CSTF2: variants seen among roughly 807,000 people sequenced by gnomAD.
CSTF2 encodes the protein CF-1 64 kDa subunit.
In CSTF2, 8 loss-of-function variants were observed where a neutral mutation model predicts 45.4. The observed-to-expected ratio is 0.18, with a 90% CI of 0.10 to 0.32. The LOEUF is 0.32. CSTF2 is among the 10% of genes least tolerant of loss of function. The probability of loss-of-function intolerance (pLI) is 1.00; values close to 1 mark genes in which losing one functional copy is unlikely to be tolerated. For missense variants in CSTF2, 253 were observed against 477.1 expected (o/e 0.53, Z 4.38); for synonymous variants, 155 against 158.9 (o/e 0.98, Z 0.18).
intron 2 of CSTF2, 145 bp from the exon 3 acceptor site, chrX:100,822,106 A>G (rs2084921671): frequency 2.2e-6 from 1 of 463,203 alleles, no homozygotes; most frequent in Admixed American, 4.6e-5. Context: ...AAAAAAAAAA[A>G]AAAAGTTTTA....
At chrX:100,826,530 T>C in intron 6 of CSTF2, 104 bp from the exon 7 acceptor site, 1 of 733,235 alleles carries the variant, frequency 1.4e-6, no homozygotes, top group East Asian at 3.3e-5. Flanking sequence ...TGTTTAGTAG[T>C]GTATTTGGGG....
At chrX:100,825,387 A>ATTTTC (rs1225897665) in intron 6 of CSTF2, among the ~76,000 whole-genome samples, 2 of 112,073 alleles carry the variant, frequency 1.8e-5, no homozygotes, top group African/African-American at 6.5e-5. Flanking sequence ...AATGGGAAAT[A>ATTTTC]GACATAAATA....
At chrX:100,839,157 G>A (rs998353935) in intron 13 of CSTF2, among the ~76,000 whole-genome samples, 4 of 108,075 alleles carry the variant, frequency 3.7e-5, no homozygotes, top group African/African-American at 1.4e-4. Context: ...GCCGAGGTGG[G>A]AGGACTGGTT....
At chrX:100,820,745 A>T in intron 1 of CSTF2, 1 of 470,703 alleles carries the variant, frequency 2.1e-6, no homozygotes, top group Non-Finnish European at 4.0e-6. Flanking sequence ...TCTCTAGAGG[A>T]GAAGGCTCAC....
intron 6 of CSTF2, among the ~76,000 whole-genome samples, chrX:100,825,651 T>C (rs1451512647): frequency 9.0e-6 from 1 of 111,634 alleles, no homozygotes; most frequent in Non-Finnish European, 1.9e-5. Context: ...TCTGCCATGG[T>C]AGTATGAAAT....
At chrX:100,839,590 G>A (rs769931167) in intron 13 of CSTF2, among the ~76,000 whole-genome samples, 24 of 111,145 alleles carry the variant, frequency 2.2e-4, no homozygotes, top group Admixed American at 9.6e-5. Context: ...TTTAAACTGC[G>A]ACTATGCATC....
Position 100,826,718 on chromosome X carries a change from GCTGTCACAGGAC to G in CSTF2, c.791_802del (p.Val264_Pro267del), listed in dbSNP as rs758057299. The G allele has an allele frequency of 4.1e-6, 5 of 1,210,355 alleles. No homozygotes were observed. Among genetic ancestry groups the G allele is most frequent in the Non-Finnish European group, 5.6e-6 (5 of 894,625 alleles). Reference sequence around the variant, plus strand: ...TCCAGCACCAGGGCAAATGCCAGCTGCTGTCACAGGACCTGGCCCTGGTTCCTTAGCTCCTGG... The same window carrying G: ...TCCAGCACCAGGGCAAATGCCAGCTGCTGGCCCTGGTTCCTTAGCTCCTGG... On this transcript the variant is annotated inframe_deletion, in exon 7 of 14. Coordinates refer to ENST00000372972, the MANE Select transcript of CSTF2 (RefSeq NM_001325.3).
intron 2 of CSTF2, among the ~76,000 whole-genome samples, chrX:100,822,030 T>TA (rs1398937056): frequency 9.5e-6 from 1 of 104,830 alleles, no homozygotes; most frequent in Admixed American, 1.0e-4. Context: ...GAGGCAGAGA[T>TA]AGCAGTGAGC....
chrX:100,824,924 A>G (rs2084936589), intron 6 of CSTF2, among the ~76,000 whole-genome samples: 1 of 112,444 alleles, frequency 8.9e-6, no homozygotes, highest in Non-Finnish European at 1.9e-5. Context: ...AATAAACTAC[A>G]CGTATCAACA....
At chrX:100,835,082 C>A (rs754083156) in intron 11 of CSTF2, among the ~76,000 whole-genome samples, 1 of 110,153 alleles carries the variant, frequency 9.1e-6, no homozygotes, top group East Asian at 2.8e-4. Flanking sequence ...TATATATATT[C>A]GTTCATCTAT....
At chrX:100,838,473 TC>T in intron 13 of CSTF2, 109 bp downstream of exon 13, 1 of 703,149 alleles carries the variant, frequency 1.4e-6, no homozygotes, top group Non-Finnish European at 2.0e-6. Context: ...CTCAATCCAC[TC>T]AGCTAGACTC....
intron 11 of CSTF2, among the ~76,000 whole-genome samples, chrX:100,833,676 C>T (rs2084990615): frequency 9.0e-6 from 1 of 111,619 alleles, no homozygotes; most frequent in South Asian, 3.8e-4. Flanking sequence ...AAAAAACAAC[C>T]TTATCCCACA....
intron 12 of CSTF2, among the ~76,000 whole-genome samples, chrX:100,838,015 T>C (rs2085019005): frequency 8.9e-6 from 1 of 112,027 alleles, no homozygotes; most frequent in South Asian, 3.7e-4. Flanking sequence ...ATACTTGTTC[T>C]TTTCATTGTA....
At chrX:100,829,542 A>G (rs2084962817) in intron 8 of CSTF2, among the ~76,000 whole-genome samples, 1 of 111,511 alleles carries the variant, frequency 9.0e-6, no homozygotes, top group Non-Finnish European at 1.9e-5. Flanking sequence ...ACACACATAC[A>G]TACATAAACA....
chrX:100,829,504 A>G (rs1328589226), intron 8 of CSTF2, among the ~76,000 whole-genome samples: 4 of 110,858 alleles, frequency 3.6e-5, no homozygotes, highest in East Asian at 2.8e-4. Flanking sequence ...AAGAATATAT[A>G]TATATACACA....
At chrX:100,827,466 GT>G (rs1046252703) in intron 7 of CSTF2, among the ~76,000 whole-genome samples, 2 of 111,548 alleles carry the variant, frequency 1.8e-5, no homozygotes, top group African/African-American at 6.5e-5. Context: ...AATATTTAAA[GT>G]TTTTTTATGT....
chrX:100,820,495 T>G lies in CSTF2; in HGVS notation c.58+21T>G, dbSNP rs779682617. The G allele has an allele frequency of 3.7e-5, 44 of 1,203,445 alleles. No individual in the cohort carries two copies. The East Asian group carries it at 1.2e-3, about 33-fold the overall frequency. Reference sequence around the variant, plus strand: ...GTTCGGTGAGAGGAATTCGTTGTAGTCAAGCTTCGGGGAGGGACTCCCCTC... The same window carrying G: ...GTTCGGTGAGAGGAATTCGTTGTAGGCAAGCTTCGGGGAGGGACTCCCCTC... On this transcript the variant is annotated intron_variant, in intron 1 of 13. Transcript: ENST00000372972.
intron 6 of CSTF2, among the ~76,000 whole-genome samples, chrX:100,824,501 G>A (rs996093056): frequency 8.9e-6 from 1 of 111,819 alleles, no homozygotes; most frequent in African/African-American, 3.3e-5. Flanking sequence ...TTGTGTGTAT[G>A]TGCATGCCTG....
chrX:100,838,485 T>C, intron 13 of CSTF2, 121 bp downstream of exon 13: 2 of 600,861 alleles, frequency 3.3e-6, no homozygotes, highest in Non-Finnish European at 4.7e-6. Flanking sequence ...AGCTAGACTC[T>C]TCTTTACCCT....
Sources: gnomAD v4.1 joint callset for allele counts (sites outside exome capture counted in the v4.1 genomes callset) on GRCh38, gnomAD v4.1.1 for gene constraint, MANE v1.5 for transcripts, NCBI Gene and HGNC (gene_info 2026-07-23, HGNC 2026-07-21) for gene names.